COLEC12: variants seen among roughly 807,000 people sequenced by gnomAD.
COLEC12 encodes the protein collectin-12.
In COLEC12, 33 loss-of-function variants were observed where a neutral mutation model predicts 71.1. That is an observed-to-expected ratio of 0.46 (90% CI 0.35 to 0.62). The LOEUF is 0.62. Among genes scored for constraint, COLEC12 ranks in the 20% least tolerant of loss-of-function variants. The probability of loss-of-function intolerance (pLI) is 0.00; values close to 1 mark genes in which losing one functional copy is unlikely to be tolerated. For missense variants in COLEC12, 765 were observed against 916.1 expected (o/e 0.84, Z 2.13); for synonymous variants, 350 against 353.0 (o/e 0.99, Z 0.10).
rs939956126 is a variant in COLEC12 at position 318,183 on chromosome 18, T to C, written c.*1862A>G. ...TTTTAGTAGAGACGGGGTTTCACCGTGTTAGCCAGGATGGTCTCGATCTCC... is the reference window on the plus strand; with the variant it reads ...TTTTAGTAGAGACGGGGTTTCACCGCGTTAGCCAGGATGGTCTCGATCTCC... On this transcript the variant is annotated 3_prime_UTR_variant, in exon 10 of 10. Transcript: ENST00000400256. 4 of 151,802 alleles carry C rather than the reference T, an allele frequency of 2.6e-5. No individual in the cohort carries two copies. Among genetic ancestry groups the C allele is most frequent in the Admixed American group, 2.0e-4 (3 of 15,238 alleles). The allele number at this position is 151,802 out of a possible 1,614,324, so 9.4% of individuals were successfully genotyped here.
intron 1 of COLEC12, among the ~76,000 whole-genome samples, chr18:481,714 A>T (rs1917420421): frequency 6.6e-6 from 1 of 152,060 alleles, no homozygotes; most frequent in Admixed American, 6.5e-5. Flanking sequence ...CCAAAAAAAA[A>T]AGAGAGGGAG....
chr18:465,317 G>C (rs1267875553), intron 2 of COLEC12, among the ~76,000 whole-genome samples: 1 of 152,098 alleles, frequency 6.6e-6, no homozygotes, highest in Non-Finnish European at 1.5e-5. Flanking sequence ...TGGCCAGGCT[G>C]GTCTCAGACT....
intron 8 of COLEC12, among the ~76,000 whole-genome samples, chr18:328,516 G>A (rs1913897279): frequency 6.6e-6 from 1 of 152,120 alleles, no homozygotes; most frequent in Non-Finnish European, 1.5e-5. Context: ...GTATTTATCT[G>A]CAACTGCTAA....
At chr18:425,817 T>C (rs1432485131) in intron 2 of COLEC12, among the ~76,000 whole-genome samples, 1 of 152,226 alleles carries the variant, frequency 6.6e-6, no homozygotes, top group Admixed American at 6.5e-5. Flanking sequence ...AATAATGACC[T>C]GGTGAGTTTA....
At chr18:349,880 C>G (rs558809053) in intron 3 of COLEC12, among the ~76,000 whole-genome samples, 7 of 152,326 alleles carry the variant, frequency 4.6e-5, no homozygotes, top group African/African-American at 1.7e-4. Flanking sequence ...CTATATTTAC[C>G]CAATACCTGT....
intron 2 of COLEC12, among the ~76,000 whole-genome samples, chr18:378,574 A>T (rs1915163694): frequency 6.6e-6 from 1 of 152,194 alleles, no homozygotes; most frequent in Admixed American, 6.5e-5. Context: ...CTCGACCTCC[A>T]GGGCCTTATC....
At chr18:320,812 C>G (rs1432108323) in intron 9 of COLEC12, among the ~76,000 whole-genome samples, 3 of 152,184 alleles carry the variant, frequency 2.0e-5, no homozygotes, top group South Asian at 2.1e-4. Flanking sequence ...AACTAAGATG[C>G]CACATTCCAA....
Position 346,398 on chromosome 18 carries a change from C to T in COLEC12, c.1224G>A (p.Ser408=), listed in dbSNP as rs773317089. 3.2e-5 allele frequency: 52 copies of T among 1,614,040 alleles called. No individual in the cohort carries two copies. Among genetic ancestry groups the T allele is most frequent in the Middle Eastern group, 1.6e-4 (1 of 6,084 alleles). ...SLRMQQDLMR[S]RLDTEVANLS... is the part of the protein sequence containing the mutation. ...AGTTGGCTACTTCAGTGTCTAACCT[C>T]GACCTCATCAAATCTTGTTGCATCC... The change falls in exon 5 of 10, where the codon TCG becomes TCA. Residue 408 remains serine (S), a synonymous_variant. Coordinates refer to ENST00000400256, the MANE Select transcript of COLEC12 (RefSeq NM_130386.3). The surrounding 1 kb of genome is among the most constrained non-coding windows in gnomAD (Gnocchi z 4.0).
intron 2 of COLEC12, among the ~76,000 whole-genome samples, chr18:458,513 C>A (rs1354582365): frequency 6.6e-6 from 1 of 152,240 alleles, no homozygotes; most frequent in Non-Finnish European, 1.5e-5. Flanking sequence ...CAGGCATTGG[C>A]AAACTGCTGT....
At chr18:495,130 A>G (rs1917685909) in intron 1 of COLEC12, among the ~76,000 whole-genome samples, 1 of 152,248 alleles carries the variant, frequency 6.6e-6, no homozygotes, top group African/African-American at 2.4e-5. Context: ...AGCAATCAGC[A>G]GGACCTTTTT....
At chr18:392,530 TAC>T (rs1305016768) in intron 2 of COLEC12, among the ~76,000 whole-genome samples, 8 of 152,246 alleles carry the variant, frequency 5.3e-5, no homozygotes, top group South Asian at 2.1e-4. Context: ...TGGCGAAACT[TAC>T]ACTCTCTTTT....
At chr18:360,983 C>A (rs1442752781) in intron 2 of COLEC12, among the ~76,000 whole-genome samples, 1 of 152,176 alleles carries the variant, frequency 6.6e-6, no homozygotes, top group African/African-American at 2.4e-5. Context: ...TTCCACCCAA[C>A]TTTTCTTATT....
rs192013736 is a variant in COLEC12, at chr18:494,417, C to A, written c.7+6091G>T. The stretch of plus-strand genomic sequence containing the variant: ...TTGAGTTCCTATTACATACTAGCCA[C>A]CATTCTAAACAACTATTTAATCCTT... On this transcript the variant is annotated intron_variant, in intron 1 of 9. Transcript: ENST00000400256. Among the ~76,000 whole-genome samples the A allele has an allele frequency of 3.8e-3, 556 of 146,592 alleles. 2 individuals carry two copies. Among genetic ancestry groups the A allele is most frequent in the Middle Eastern group, 7.0e-3 (2 of 286 alleles).
At chr18:345,413 A>G (rs909537484) in intron 5 of COLEC12, among the ~76,000 whole-genome samples, 3 of 152,188 alleles carry the variant, frequency 2.0e-5, no homozygotes, top group African/African-American at 7.2e-5. Context: ...GGATATTGCT[A>G]TGTTGCCCAG....
In COLEC12 at chr18:347,297, A is replaced by G. The variant is rs770897998; in HGVS notation, c.325T>C (p.Ser109Pro). 7.4e-6 allele frequency: 12 copies of G among 1,614,044 alleles called. No homozygotes were observed. The highest frequency in any genetic ancestry group is 1.1e-5 in the South Asian group (1 of 91,082). ...KKAISTNSEL[S>P]TFRSDILDLR... Reference sequence around the variant, plus strand: ...TCTAGAATGTCTGATCTGAAGGTGGAGAGTTCTGAGTTGGTGCTGATAGCT... The same window carrying G: ...TCTAGAATGTCTGATCTGAAGGTGGGGAGTTCTGAGTTGGTGCTGATAGCT... The change falls in exon 5 of 10, where the codon TCC (serine) becomes CCC (proline). Residue 109 changes from serine to proline, a missense_variant. Physicochemically the swap from Ser to Pro is moderately conservative, Grantham distance 74. Coordinates refer to ENST00000400256, the MANE Select transcript of COLEC12 (RefSeq NM_130386.3).
At chr18:467,420 A>G (rs12326197) in intron 2 of COLEC12, among the ~76,000 whole-genome samples, 1,860 of 152,342 alleles carry the variant, frequency 0.012, 48 homozygotes, top group African/African-American at 0.041. Flanking sequence ...ACAGCTCCCA[A>G]TGGGCCATCT....
chr18:360,595 A>G (rs984119327), intron 2 of COLEC12, among the ~76,000 whole-genome samples: 2 of 152,194 alleles, frequency 1.3e-5, no homozygotes, highest in African/African-American at 4.8e-5. Flanking sequence ...CTCAAACTTT[A>G]AAGTGCTTAC....
chr18:456,063 C>A (rs186516552), intron 2 of COLEC12, among the ~76,000 whole-genome samples: 15 of 152,268 alleles, frequency 9.9e-5, no homozygotes, highest in Admixed American at 2.6e-4. Flanking sequence ...GGACAAAGCA[C>A]GTGGTGGGAG....
chr18:432,268 C>T (rs939567933), intron 2 of COLEC12, among the ~76,000 whole-genome samples: 16 of 152,234 alleles, frequency 1.1e-4, no homozygotes, highest in African/African-American at 2.2e-4. Flanking sequence ...CTGAGACCTA[C>T]ATTAAAATAT....
Sources: gnomAD v4.1 joint callset for allele counts (sites outside exome capture counted in the v4.1 genomes callset) on GRCh38, gnomAD v4.1.1 for gene constraint, Gnocchi (gnomAD v3.1) non-coding constraint, MANE v1.5 for transcripts, NCBI Gene and HGNC (gene_info 2026-07-23, HGNC 2026-07-21) for gene names.